Variants in ULK4 observed in about 807,000 individuals in gnomAD.
ULK4 encodes unc-51 like kinase 4, also known as inactive serine/threonine-protein kinase ULK4.
ULK4 carries 133 observed loss-of-function variants against 160.6 expected under a neutral mutation model. The ratio of observed to expected loss-of-function variants is 0.83; its 90% CI spans 0.72 to 0.96. ULK4 has a LOEUF of 0.96. Among genes scored for constraint, ULK4 ranks in the 40% least tolerant of loss-of-function variants. ULK4 has a pLI of 0.00. For synonymous variants in ULK4, 534 were observed against 539.8 expected (o/e 0.99, Z 0.15); for missense variants, 1,580 against 1,499.5 (o/e 1.05, Z -0.89).
chr3:41,580,538 G>A (rs755210195), intron 31 of ULK4, among the ~76,000 whole-genome samples: 10 of 152,000 alleles, frequency 6.6e-5, no homozygotes, highest in South Asian at 2.1e-4. Context: ...CAACAGCAAC[G>A]ACTCTGAACC....
At chr3:41,850,951 T>C (rs2042196893) in intron 17 of ULK4, among the ~76,000 whole-genome samples, 1 of 152,228 alleles carries the variant, frequency 6.6e-6, no homozygotes, top group Non-Finnish European at 1.5e-5. Flanking sequence ...GGTCTAATGT[T>C]TAAGTCTTTA....
chr3:41,733,754 A>C (rs1439232960), intron 22 of ULK4, among the ~76,000 whole-genome samples: 1 of 48,196 alleles, frequency 2.1e-5, no homozygotes, highest in African/African-American at 2.4e-4. Flanking sequence ...TTTTTTTTTT[A>C]GACAGAGTCT....
At chr3:41,781,552 T>G (rs1331236170) in intron 21 of ULK4, among the ~76,000 whole-genome samples, 1 of 152,190 alleles carries the variant, frequency 6.6e-6, no homozygotes, top group Non-Finnish European at 1.5e-5. Context: ...ACATATAAGG[T>G]AATTACAAAA....
At chr3:41,932,081 G>A in intron 4 of ULK4, 75 bp from the exon 5 acceptor site, 1 of 1,309,868 alleles carries the variant, frequency 7.6e-7, no homozygotes, top group Non-Finnish European at 1.0e-6. Flanking sequence ...TCTTATAATT[G>A]TACTAAAGAA....
At chr3:41,931,002 A>T (rs955383511) in intron 5 of ULK4, among the ~76,000 whole-genome samples, 5 of 152,250 alleles carry the variant, frequency 3.3e-5, no homozygotes, top group African/African-American at 4.8e-5. Context: ...AAGGATTATA[A>T]ATCATTCTAC....
intron 22 of ULK4, among the ~76,000 whole-genome samples, chr3:41,742,758 TA>T (rs2038284805): frequency 6.6e-6 from 1 of 151,726 alleles, no homozygotes; most frequent in Non-Finnish European, 1.5e-5. Flanking sequence ...AAATCTCAGA[TA>T]AGGAGAAAGG....
At chr3:41,959,488 G>A (rs1302026248) in intron 1 of ULK4, among the ~76,000 whole-genome samples, 1 of 152,012 alleles carries the variant, frequency 6.6e-6, no homozygotes, top group East Asian at 1.9e-4. Flanking sequence ...TTGCGCCACT[G>A]CACTCCAGCC....
intron 35 of ULK4, 83 bp from the exon 36 acceptor site, chr3:41,249,657 G>GGGT: frequency 7.1e-7 from 1 of 1,413,260 alleles, no homozygotes; most frequent in Non-Finnish European, 9.7e-7. Context: ...CTGAGTATCA[G>GGGT]GCCTGCATGG....
At chr3:41,586,185 G>C (rs917821722) in intron 31 of ULK4, among the ~76,000 whole-genome samples, 2 of 152,194 alleles carry the variant, frequency 1.3e-5, no homozygotes, top group Non-Finnish European at 1.5e-5. Flanking sequence ...ATCTCAAAGA[G>C]AGAATTGCCC....
chr3:41,624,302 T>C (rs1011737547), intron 30 of ULK4, among the ~76,000 whole-genome samples: 1 of 152,234 alleles, frequency 6.6e-6, no homozygotes, highest in African/African-American at 2.4e-5. Context: ...ATCTCAGAGT[T>C]GCCCTGGCAA....
intron 30 of ULK4, among the ~76,000 whole-genome samples, chr3:41,643,600 T>C (rs2034339371): frequency 6.6e-6 from 1 of 152,196 alleles, no homozygotes; most frequent in African/African-American, 2.4e-5. Flanking sequence ...TGTAGCCTTG[T>C]AGTATAGTTT....
chr3:41,754,043 G>T (rs1237377089), intron 22 of ULK4, among the ~76,000 whole-genome samples: 2 of 152,116 alleles, frequency 1.3e-5, no homozygotes, highest in Non-Finnish European at 2.9e-5. Flanking sequence ...CCACTCCCAT[G>T]ATCCAATTAC....
At chr3:41,378,784 TAAAATAAAA>T (rs928695724) in intron 35 of ULK4, among the ~76,000 whole-genome samples, 1 of 148,348 alleles carries the variant, frequency 6.7e-6, no homozygotes, top group Non-Finnish European at 1.5e-5. Flanking sequence ...GTATAATAAA[TAAAATAAAA>T]TAAATAAAAT....
At chr3:41,404,226 A>ATTT (rs60508995) in intron 34 of ULK4, among the ~76,000 whole-genome samples, 21 of 131,852 alleles carry the variant, frequency 1.6e-4, no homozygotes, top group Admixed American at 9.3e-4. Flanking sequence ...TAGCTCTATC[A>ATTT]TTTTTTTTTT....
intron 32 of ULK4, among the ~76,000 whole-genome samples, chr3:41,533,367 C>G (rs2086387832): frequency 6.6e-6 from 1 of 152,210 alleles, no homozygotes; most frequent in Non-Finnish European, 1.5e-5. Context: ...TCATACATCT[C>G]CATACTACTG....
rs1489572275 is a variant in ULK4 at position 41,246,995 on chromosome 3, G to GT, written c.3765-4dup. On this transcript the variant is annotated splice_polypyrimidine_tract_variant and splice_region_variant and intron_variant, in intron 36 of 36. Transcript: ENST00000301831. ...CCACCGCACTGTCGGCAAATGAACT[G>GT]TAAGAAAAACCAAAGTAGGTACACT... 4 of 1,613,486 alleles carry GT rather than the reference G, an allele frequency of 2.5e-6. No homozygotes were observed. The highest frequency in any genetic ancestry group is 8.5e-7 in the Non-Finnish European group (1 of 1,179,804).
chr3:41,842,049 C>T (rs1477220048), intron 17 of ULK4, among the ~76,000 whole-genome samples: 1 of 151,508 alleles, frequency 6.6e-6, no homozygotes, highest in Non-Finnish European at 1.5e-5. Flanking sequence ...CCTTTGTTCA[C>T]GTGTTTATAT....
chr3:41,682,188 A>G (rs2035945654), intron 27 of ULK4, among the ~76,000 whole-genome samples: 1 of 152,178 alleles, frequency 6.6e-6, no homozygotes, highest in African/African-American at 2.4e-5. Flanking sequence ...GTTGGGAAAA[A>G]AAAGACACAA....
chr3:41,946,535 C>T (rs560885588), intron 2 of ULK4, among the ~76,000 whole-genome samples: 1 of 152,270 alleles, frequency 6.6e-6, no homozygotes, highest in South Asian at 2.1e-4. Flanking sequence ...CCCAAAGATC[C>T]CCTAATCACA....
Sources: gnomAD v4.1 joint callset for allele counts (sites outside exome capture counted in the v4.1 genomes callset) on GRCh38, gnomAD v4.1.1 for gene constraint, MANE v1.5 for transcripts, NCBI Gene and HGNC (gene_info 2026-07-23, HGNC 2026-07-21) for gene names.